Variants in CPE observed in about 807,000 individuals in gnomAD.
The protein encoded by CPE is carbocypeptidase E.
In CPE, 17 loss-of-function variants were observed where a neutral mutation model predicts 53.5. The observed-to-expected ratio is 0.32, with a 90% CI of 0.22 to 0.48. CPE has a LOEUF of 0.48. Among genes scored for constraint, CPE ranks in the 20% least tolerant of loss-of-function variants. The probability of loss-of-function intolerance (pLI) is 0.99; values close to 1 mark genes in which losing one functional copy is unlikely to be tolerated. For synonymous variants in CPE, 226 were observed against 228.8 expected, an observed-to-expected ratio of 0.99 and a Z score of 0.11; for missense variants, 524 against 614.7, an observed-to-expected ratio of 0.85 and a Z score of 1.56.
chr4:165,424,570 G>A (rs1486280844), intron 1 of CPE, among the ~76,000 whole-genome samples: 1 of 151,798 alleles, frequency 6.6e-6, no homozygotes, highest in East Asian at 1.9e-4. Flanking sequence ...GTCTCGCTCT[G>A]TAGCCCAGGC....
At chr4:165,428,536 T>C (rs1731358564) in intron 1 of CPE, among the ~76,000 whole-genome samples, 1 of 152,256 alleles carries the variant, frequency 6.6e-6, no homozygotes, top group Non-Finnish European at 1.5e-5. Context: ...TCCTGTGGAT[T>C]CTGTAACAAA....
rs1170164180 is a variant in CPE, at chr4:165,379,341, C to G, written c.120C>G (p.Arg40=). ...CGCCCGCGGCGGGCATGAGGCGGCG[C>G]CGGCGGCTGCAGCAAGAGGACGGCA... is the stretch of plus-strand genomic sequence containing the variant. ...PGAPAAGMRR[R]RRLQQEDGIS... is the part of the protein sequence containing the mutation. The change falls in exon 1 of 9, where the codon CGC becomes CGG. Residue 40 remains arginine (R), a synonymous_variant. Transcript: ENST00000402744. The surrounding 1 kb of genome is among the most constrained non-coding windows in gnomAD (Gnocchi z 6.0). 3.8e-6 allele frequency: 6 copies of G among 1,583,148 alleles called. No homozygotes were observed. The highest frequency in any genetic ancestry group is 4.3e-6 in the Non-Finnish European group (5 of 1,168,984).
At chr4:165,421,584 C>T (rs543332768) in intron 1 of CPE, among the ~76,000 whole-genome samples, 8 of 152,284 alleles carry the variant, frequency 5.3e-5, no homozygotes, top group Admixed American at 3.9e-4. Context: ...CAGTAAGGAC[C>T]TTGAAGTTTC....
intron 3 of CPE, among the ~76,000 whole-genome samples, chr4:165,481,910 C>A (rs533307624): frequency 5.9e-5 from 9 of 152,260 alleles, no homozygotes; most frequent in African/African-American, 1.9e-4. Flanking sequence ...AATGTGTGAA[C>A]CACTACAGAT....
chr4:165,394,583 TA>T (rs1465747998), intron 1 of CPE, among the ~76,000 whole-genome samples: 1 of 152,096 alleles, frequency 6.6e-6, no homozygotes, highest in African/African-American at 2.4e-5. Context: ...GGTTTCCTGT[TA>T]AAAAAACATA....
intron 1 of CPE, among the ~76,000 whole-genome samples, chr4:165,409,570 A>G (rs555137599): frequency 1.3e-5 from 2 of 152,234 alleles, no homozygotes; most frequent in African/African-American, 4.8e-5. Flanking sequence ...AGACTAAAAT[A>G]AATAATGGAT....
At chr4:165,493,725 C>T (rs188433820) in intron 7 of CPE, among the ~76,000 whole-genome samples, 1 of 152,162 alleles carries the variant, frequency 6.6e-6, no homozygotes, top group Non-Finnish European at 1.5e-5. Flanking sequence ...AATTCTCACA[C>T]AGTTTTTCAT....
At chr4:165,479,764 G>C (rs1168163310) in intron 3 of CPE, among the ~76,000 whole-genome samples, 1 of 151,866 alleles carries the variant, frequency 6.6e-6, no homozygotes, top group Admixed American at 6.6e-5. Flanking sequence ...GGCCGAGGCG[G>C]GCGGATCACG....
At chr4:165,469,030 T>A (rs957301442) in intron 3 of CPE, among the ~76,000 whole-genome samples, 1 of 152,202 alleles carries the variant, frequency 6.6e-6, no homozygotes, top group Non-Finnish European at 1.5e-5. Context: ...CCTCATAGGA[T>A]AAGGATTGAA....
At chr4:165,450,767 G>A (rs1731794226) in intron 1 of CPE, among the ~76,000 whole-genome samples, 1 of 152,140 alleles carries the variant, frequency 6.6e-6, no homozygotes, top group Non-Finnish European at 1.5e-5. Context: ...TGATCATACA[G>A]TTTAGCATTT....
chr4:165,486,498 G>T (rs527977050), intron 5 of CPE, among the ~76,000 whole-genome samples: 18 of 152,230 alleles, frequency 1.2e-4, no homozygotes, highest in African/African-American at 3.8e-4. Context: ...GAAAAGTCAA[G>T]CTGGGAACTG....
At chr4:165,467,093 G>A (rs986882686) in intron 2 of CPE, among the ~76,000 whole-genome samples, 4 of 152,010 alleles carry the variant, frequency 2.6e-5, no homozygotes, top group Admixed American at 6.6e-5. Flanking sequence ...GAGGCCCAGA[G>A]GAGAAGATTG....
At chr4:165,479,806 A>G (rs1732371148) in intron 3 of CPE, among the ~76,000 whole-genome samples, 1 of 152,114 alleles carries the variant, frequency 6.6e-6, no homozygotes, top group Non-Finnish European at 1.5e-5. Context: ...CCTGGCTAAC[A>G]CAGTGAAAAC....
chr4:165,394,789 A>G (rs1473375220), intron 1 of CPE, among the ~76,000 whole-genome samples: 1 of 152,194 alleles, frequency 6.6e-6, no homozygotes, highest in East Asian at 1.9e-4. Context: ...TTTCCAAACC[A>G]ACAATCATCA....
chr4:165,459,507 G>A (rs1210823530), intron 1 of CPE, among the ~76,000 whole-genome samples: 1 of 152,082 alleles, frequency 6.6e-6, no homozygotes, highest in East Asian at 1.9e-4. Flanking sequence ...TGGGAAAATT[G>A]ACACAATGGG....
chr4:165,409,121 C>T (rs1378435973), intron 1 of CPE, among the ~76,000 whole-genome samples: 5 of 152,070 alleles, frequency 3.3e-5, no homozygotes, highest in South Asian at 2.1e-4. Context: ...GTGGTGGTTC[C>T]GGAATGGTTG....
chr4:165,438,226 A>G (rs1731543919), intron 1 of CPE, among the ~76,000 whole-genome samples: 2 of 152,130 alleles, frequency 1.3e-5, no homozygotes, highest in African/African-American at 4.8e-5. Context: ...TGATGAGGGT[A>G]GTGGATGGGA....
intron 3 of CPE, among the ~76,000 whole-genome samples, chr4:165,471,770 C>T (rs887381321): frequency 2.6e-5 from 4 of 152,182 alleles, no homozygotes; most frequent in African/African-American, 9.7e-5. Context: ...GAACCCTGTA[C>T]AGGGACTGTG....
intron 1 of CPE, among the ~76,000 whole-genome samples, chr4:165,390,809 A>G (rs1255596130): frequency 1.3e-5 from 2 of 152,172 alleles, no homozygotes; most frequent in African/African-American, 2.4e-5. Flanking sequence ...TCATTAGAAG[A>G]GTATATTCAT....
Sources: allele counts gnomAD v4.1 joint callset (sites outside exome capture counted in the v4.1 genomes callset), GRCh38; gene constraint gnomAD v4.1.1; non-coding constraint Gnocchi (gnomAD v3.1); transcripts MANE v1.5; gene names NCBI Gene and HGNC (gene_info 2026-07-23, HGNC 2026-07-21).